Variants in RUVBL1 observed in about 807,000 individuals in gnomAD.
RUVBL1 encodes the protein RuvB like AAA ATPase 1.
RUVBL1 carries 4 observed loss-of-function variants against 52.4 expected under a neutral mutation model. The ratio of observed to expected loss-of-function variants is 0.08; its 90% CI spans 0.04 to 0.17. The LOEUF (loss-of-function observed/expected upper bound fraction) is 0.17, where lower values mean the gene tolerates loss of function less well. RUVBL1 is among the 10% of genes least tolerant of loss of function. RUVBL1 has a pLI of 1.00. For missense variants in RUVBL1, 298 were observed against 572.8 expected (o/e 0.52, Z 4.90); for synonymous variants, 217 against 214.4 (o/e 1.01, Z -0.10).
downstream of RUVBL1, among the ~76,000 whole-genome samples, chr3:128,076,929 C>T (rs902155722): frequency 6.6e-6 from 1 of 152,092 alleles, no homozygotes; most frequent in Non-Finnish European, 1.5e-5. The surrounding 1 kb of genome is among the most constrained non-coding windows in gnomAD (Gnocchi z 6.8). Context: ...ATTAATCACG[C>T]GGCGCTGACG....
intron 8 of RUVBL1, among the ~76,000 whole-genome samples, chr3:128,095,793 G>A (rs1159892335): frequency 6.6e-6 from 1 of 152,046 alleles, no homozygotes; most frequent in Non-Finnish European, 1.5e-5. Flanking sequence ...TTGTCCAGGT[G>A]GGAGTGCGAT....
At chr3:128,128,335 A>T (rs1041238805), upstream of RUVBL1, among the ~76,000 whole-genome samples, 1 of 152,212 alleles carries the variant, frequency 6.6e-6, no homozygotes, top group African/African-American at 2.4e-5. Flanking sequence ...AGTAACAGAG[A>T]GATCTAAAAT....
chr3:128,098,278 A>G lies in RUVBL1; in HGVS notation c.817+604T>C, dbSNP rs1016245213. Among the ~76,000 whole-genome samples the G allele has an allele frequency of 2.0e-5, 3 of 152,368 alleles. No homozygotes were observed. The East Asian group carries it at 5.8e-4, about 29-fold the overall frequency. On this transcript the variant is annotated intron_variant, in intron 7 of 10. Transcript: ENST00000322623. Reference sequence around the variant, plus strand: ...GAGGATGCACACCGAAAACCGTGTGAAAAGAAAGAAACTGCTTCTGACAAC... The same window carrying G: ...GAGGATGCACACCGAAAACCGTGTGGAAAGAAAGAAACTGCTTCTGACAAC...
intron 1 of RUVBL1, among the ~76,000 whole-genome samples, chr3:128,150,780 CTATATATATTCTATATAT>C (rs1944179093): frequency 1.1e-5 from 1 of 90,730 alleles, no homozygotes; most frequent in Non-Finnish European, 2.0e-5. Context: ...ATTATATATT[CTATATATATTCTATATAT>C]TATATATTCT....
upstream of RUVBL1, among the ~76,000 whole-genome samples, chr3:128,127,413 T>C (rs1036793585): frequency 2.0e-5 from 3 of 152,158 alleles, no homozygotes; most frequent in Non-Finnish European, 4.4e-5. Context: ...CTCATTCCCT[T>C]ACTCCCACGA....
chr3:128,149,696 G>A (rs1365251309), intron 1 of RUVBL1, among the ~76,000 whole-genome samples: 1 of 152,192 alleles, frequency 6.6e-6, no homozygotes, highest in Non-Finnish European at 1.5e-5. Flanking sequence ...GAAGGAGTGA[G>A]TCTCAATGGT....
Position 128,082,188 on chromosome 3 carries a change from C to T in RUVBL1, c.1211+295G>A, listed in dbSNP as rs1003918872. On this transcript the variant is annotated intron_variant, in intron 10 of 10. Transcript: ENST00000322623. This position sits in a 1 kb window ranked among gnomAD's most constrained non-coding sequence, Gnocchi z 4.7. ...TGAGCTACCACATGGTCCCTGCTCT[C>T]TAGTTCTGTGCATCTTCTCTGCCAC... is the stretch of plus-strand genomic sequence containing the variant. 8 of 365,600 alleles carry T rather than the reference C, an allele frequency of 2.2e-5. 1 individual carries two copies. The highest frequency in any genetic ancestry group is 1.6e-3 in the Middle Eastern group (2 of 1,280). The allele number at this position is 365,600 out of a possible 1,614,324, so 22.6% of individuals were successfully genotyped here.
intron 9 of RUVBL1, 47 bp downstream of exon 9, chr3:128,087,658 CT>C: frequency 6.7e-7 from 1 of 1,483,830 alleles, no homozygotes; most frequent in South Asian, 1.2e-5. Context: ...CCAGTGAACA[CT>C]GGGAGCAAAT....
chr3:128,085,042 A>C (rs1942601326), intron 9 of RUVBL1: 1 of 152,306 alleles, frequency 6.6e-6, no homozygotes, highest in South Asian at 2.1e-4. Context: ...CTTACTCTCC[A>C]CATAGCCACA....
intron 1 of RUVBL1, among the ~76,000 whole-genome samples, chr3:128,132,602 G>C (rs1285503831): frequency 6.6e-6 from 1 of 152,094 alleles, no homozygotes; most frequent in African/African-American, 2.4e-5. Context: ...CCTTATTTCA[G>C]GCTCTAGCTC....
At chr3:128,065,666 A>G (rs1335175639) in intron 9 of RUVBL1, among the ~76,000 whole-genome samples, 1 of 151,078 alleles carries the variant, frequency 6.6e-6, no homozygotes, top group African/African-American at 2.4e-5. Context: ...ACTAAGCCAC[A>G]TTCTTGCTTA....
upstream of RUVBL1, among the ~76,000 whole-genome samples, chr3:128,125,262 G>A (rs945656040): frequency 3.3e-5 from 5 of 151,882 alleles, no homozygotes; most frequent in African/African-American, 4.8e-5. Context: ...TGATCCGCCC[G>A]CCTCGGCCTC....
intron 2 of RUVBL1, among the ~76,000 whole-genome samples, chr3:128,115,125 A>G (rs971437158): frequency 1.3e-5 from 2 of 152,182 alleles, no homozygotes; most frequent in Non-Finnish European, 2.9e-5. Context: ...GACCTCATCG[A>G]ATCTCCCCAA....
Position 128,123,614 on chromosome 3 carries a change from T to G in RUVBL1, c.111A>C (p.Ser37=), listed in dbSNP as rs762131850. The change falls in exon 1 of 11, where the codon TCA becomes TCC. Residue 37 remains serine (S), a synonymous_variant. Coordinates refer to ENST00000322623, the MANE Select transcript of RUVBL1 (RefSeq NM_003707.3). ...GCGCGTTCTCCTGGCCCACAAGCCCTGAGGCCGCCTGCTTGGCCAAGCCGC... is the reference window on the plus strand; with the variant it reads ...GCGCGTTCTCCTGGCCCACAAGCCCGGAGGCCGCCTGCTTGGCCAAGCCGC... The part of the protein sequence containing the change: ...DESGLAKQAA[S]GLVGQENARE... 6.2e-7 allele frequency: 1 copy of G among 1,611,162 alleles called. No individual in the cohort carries two copies. The highest frequency in any genetic ancestry group is 8.5e-7 in the Non-Finnish European group (1 of 1,179,132).
At chr3:128,080,706 G>T (rs1258426146), downstream of RUVBL1, among the ~76,000 whole-genome samples, 1 of 152,200 alleles carries the variant, frequency 6.6e-6, no homozygotes, top group South Asian at 2.1e-4. Context: ...AATCTAAGAA[G>T]ATGTCACAGC....
chr3:128,089,160 T>C (rs535610018), intron 8 of RUVBL1, among the ~76,000 whole-genome samples: 4 of 152,258 alleles, frequency 2.6e-5, no homozygotes, highest in African/African-American at 9.6e-5. Context: ...CTTATATATA[T>C]TATTTTACTT....
chr3:128,119,408 C>T lies in RUVBL1; in HGVS notation c.148G>A (p.Gly50Ser). ...CTTTTGATTAATTCTACTATGACGC[C>T]ACATGCCTACACACCACAATGGAAA... ...VGQENAREAC[G>S]VIVELIKSKK... The change falls in exon 2 of 11, where the codon GGC (glycine) becomes AGC (serine). Residue 50 changes from glycine (G) to serine (S), a missense_variant. Transcript: ENST00000322623. 3 of 1,611,302 alleles carry T rather than the reference C, an allele frequency of 1.9e-6. No individual in the cohort carries two copies. Among genetic ancestry groups the T allele is most frequent in the Non-Finnish European group, 2.5e-6 (3 of 1,178,066 alleles).
In RUVBL1 at chr3:128,080,987, AAACTTAGAG is replaced by A; in HGVS notation, c.*254_*262del. 1 of 397,788 alleles carries A rather than the reference AAACTTAGAG, an allele frequency of 2.5e-6. No homozygotes were observed. The highest frequency in any genetic ancestry group is 4.5e-6 in the Non-Finnish European group (1 of 223,126). 24.6% of individuals were successfully genotyped at this position (397,788 alleles called of 1,614,324 possible). On this transcript the variant is annotated 3_prime_UTR_variant, in exon 11 of 11. Coordinates refer to ENST00000322623, the MANE Select transcript of RUVBL1 (RefSeq NM_003707.3). ...CTGTTCTGAAAAGTTTATTTTTAAA[AAACTTAGAG>A]AGAGAGAGAGAGAGAATCAAAATAA...
intron 1 of RUVBL1, among the ~76,000 whole-genome samples, chr3:128,139,825 G>T (rs1943993192): frequency 6.6e-6 from 1 of 152,098 alleles, no homozygotes; most frequent in Non-Finnish European, 1.5e-5. Flanking sequence ...AAAATTAAAA[G>T]AATTTTTAAT....
Sources: allele counts gnomAD v4.1 joint callset (sites outside exome capture counted in the v4.1 genomes callset), GRCh38; gene constraint gnomAD v4.1.1; non-coding constraint Gnocchi (gnomAD v3.1); transcripts MANE v1.5; gene names NCBI Gene and HGNC (gene_info 2026-07-23, HGNC 2026-07-21).